The following TRIM54 variants were observed in gnomAD, a reference collection of about 807,000 sequenced individuals.
TRIM54 encodes the protein tripartite motif containing 54.
Under a neutral mutation model 42.0 loss-of-function variants are expected in TRIM54, and 40 were observed. The observed-to-expected ratio is 0.95, with a 90% confidence interval of 0.74 to 1.24. The LOEUF is 1.24. TRIM54 is among the 50% of genes most tolerant of loss of function. TRIM54 has a pLI of 0.00. For missense variants in TRIM54, 485 were observed against 480.3 expected, an observed-to-expected ratio of 1.01 and a Z score of -0.09; for synonymous variants, 199 against 194.9, an observed-to-expected ratio of 1.02 and a Z score of -0.17.
In TRIM54 at chr2:27,306,155, T is replaced by C; in HGVS notation, c.866+53T>C. ...GAGGGGGCTGCACTGCTCCACTGGC[T>C]GGGGTGGGGCTTGAGAGTGCTGGGG... On this transcript the variant is annotated intron_variant, in intron 6 of 8. Coordinates refer to ENST00000380075, the MANE Select transcript of TRIM54 (RefSeq NM_187841.3). The surrounding 1 kb of genome is among the most constrained non-coding windows in gnomAD (Gnocchi z 6.1). The C allele has an allele frequency of 6.2e-7, 1 of 1,613,904 alleles. No homozygotes were observed. The highest frequency in any genetic ancestry group is 1.7e-5 in the Admixed American group (1 of 60,004).
chr2:27,301,429 C>T (rs897628558), intron 3 of TRIM54, among the ~76,000 whole-genome samples: 1 of 152,134 alleles, frequency 6.6e-6, no homozygotes, highest in South Asian at 2.1e-4. Context: ...TGTGAGCTAC[C>T]GGGTCCAGCC....
intron 3 of TRIM54, chr2:27,299,675 CCTATCTATCTATCTATCTAT>C (rs112702645): frequency 5.2e-6 from 3 of 579,260 alleles, no homozygotes; most frequent in Middle Eastern, 2.7e-4. Context: ...CGCACTCAGC[CCTATCTATCTATCTATCTAT>C]CTATCTATCT....
intron 3 of TRIM54, among the ~76,000 whole-genome samples, chr2:27,300,421 C>T (rs1335779469): frequency 6.6e-6 from 1 of 152,048 alleles, no homozygotes; most frequent in Non-Finnish European, 1.5e-5. Flanking sequence ...GATCCACCCA[C>T]CTTGGCCTCC....
chr2:27,286,196 T>C (rs936468361), intron 1 of TRIM54, among the ~76,000 whole-genome samples: 3 of 151,930 alleles, frequency 2.0e-5, no homozygotes, highest in African/African-American at 7.3e-5. Flanking sequence ...TGTCACATTA[T>C]GTTACCCAGA....
intron 1 of TRIM54, among the ~76,000 whole-genome samples, chr2:27,291,944 G>A (rs1237776038): frequency 6.6e-6 from 1 of 152,122 alleles, no homozygotes; most frequent in South Asian, 2.1e-4. Context: ...TGAGCAAGAC[G>A]GTGGGAAAGC....
At chr2:27,304,265 T>G (rs938825328) in intron 3 of TRIM54, among the ~76,000 whole-genome samples, 1 of 136,636 alleles carries the variant, frequency 7.3e-6, no homozygotes, top group African/African-American at 3.0e-5. Flanking sequence ...TATACAGATA[T>G]ATATATATAT....
In TRIM54 at chr2:27,305,009, G is replaced by C. The variant is rs1292097695; in HGVS notation, c.564G>C (p.Val188=). The change falls in exon 4 of 9, where the codon GTG becomes GTC. Residue 188 remains valine, a synonymous_variant. Transcript: ENST00000380075. ...IAMLVAGNDR[V]QAVITQMEEV... ...TGCTGGTGGCAGGCAATGACCGCGTGCAAGCAGTGATCACACAGATGGAGG... is the reference window on the plus strand; with the variant it reads ...TGCTGGTGGCAGGCAATGACCGCGTCCAAGCAGTGATCACACAGATGGAGG... 2.5e-6 allele frequency: 4 copies of C among 1,614,044 alleles called. No homozygotes were observed. In the South Asian group the frequency reaches 4.4e-5, roughly 18 times the overall value.
intron 3 of TRIM54, among the ~76,000 whole-genome samples, chr2:27,303,458 G>A (rs910906753): frequency 6.6e-6 from 1 of 152,102 alleles, no homozygotes; most frequent in Non-Finnish European, 1.5e-5. Context: ...GCTGAGGCAG[G>A]AGAATCGCTT....
rs1292045943 is a variant in TRIM54 at position 27,306,600 on chromosome 2, C to T, written c.*1+58C>T. On this transcript the variant is annotated intron_variant, in intron 8 of 8. Transcript: ENST00000380075. This position sits in a 1 kb window ranked among gnomAD's most constrained non-coding sequence, Gnocchi z 6.1. The stretch of plus-strand genomic sequence containing the variant: ...GCGGCCTGAGGGGCTTGGGGTGGGG[C>T]CTGGCTGGTGTGCTCGCGTCCCCTC... 6 of 1,447,338 alleles carry T rather than the reference C, an allele frequency of 4.1e-6. No individual in the cohort carries two copies. Among genetic ancestry groups the T allele is most frequent in the Non-Finnish European group, 5.5e-6 (6 of 1,089,476 alleles). 89.7% of individuals were successfully genotyped at this position (1,447,338 alleles called of 1,614,324 possible).
intron 1 of TRIM54, among the ~76,000 whole-genome samples, chr2:27,297,034 C>T (rs1382503897): frequency 1.3e-5 from 2 of 152,212 alleles, no homozygotes; most frequent in African/African-American, 4.8e-5. Context: ...GCTGGGATTA[C>T]AGGCATGAGC....
At chr2:27,299,596 G>C (rs1453990417) in intron 3 of TRIM54, 180 bp downstream of exon 3, 1 of 1,356,782 alleles carries the variant, frequency 7.4e-7, no homozygotes, top group Non-Finnish European at 1.0e-6. Flanking sequence ...CTGCAGCCTT[G>C]ATCTCCCGAG....
rs142891908 is a variant in TRIM54, at chr2:27,288,304, C to T, written c.168+5405C>T. 1.1e-4 allele frequency among the ~76,000 whole-genome samples: 16 copies of T among 152,294 alleles called. No homozygotes were observed. The East Asian group carries it at 3.1e-3, about 29-fold the overall frequency. ...CAGAGCCTGTGTCCCAAATTAGCAC[C>T]TCTCTGGATAGCCAGGGAAGAGGGA... is the stretch of plus-strand genomic sequence containing the variant. On this transcript the variant is annotated intron_variant, in intron 1 of 8. Coordinates refer to ENST00000380075, the MANE Select transcript of TRIM54 (RefSeq NM_187841.3).
chr2:27,282,709 G>C lies in TRIM54; in HGVS notation c.-23G>C, dbSNP rs1297786155. The C allele has an allele frequency of 6.2e-7, 1 of 1,600,866 alleles. No homozygotes were observed. Among genetic ancestry groups the C allele is most frequent in the African/African-American group, 1.3e-5 (1 of 74,468 alleles). On this transcript the variant is annotated 5_prime_UTR_variant, in exon 1 of 9. Transcript: ENST00000380075. ...GAGTGAAGGCCAGGAGCAGGGCCCAGGCCAGGCACGACCACCGAGGGGATG... is the reference window on the plus strand; with the variant it reads ...GAGTGAAGGCCAGGAGCAGGGCCCACGCCAGGCACGACCACCGAGGGGATG...
chr2:27,298,547 CA>C lies in TRIM54; in HGVS notation c.169-18del, dbSNP rs1217687088. 6.2e-7 allele frequency: 1 copy of C among 1,603,584 alleles called. No homozygotes were observed. The highest frequency in any genetic ancestry group is 8.5e-7 in the Non-Finnish European group (1 of 1,172,226). ...TCATGCCTCCCCGTGCCTGTTCTCTCAAGCCATCTGTCCCTGCAGGCCTCGA... is the reference window on the plus strand; with the variant it reads ...TCATGCCTCCCCGTGCCTGTTCTCTCAGCCATCTGTCCCTGCAGGCCTCGA... On this transcript the variant is annotated intron_variant, in intron 1 of 8. Coordinates refer to ENST00000380075, the MANE Select transcript of TRIM54 (RefSeq NM_187841.3).
intron 1 of TRIM54, among the ~76,000 whole-genome samples, chr2:27,283,766 A>ACGCACGCGCGCGCGCGCGCG (rs1678458066): frequency 7.9e-5 from 7 of 88,708 alleles, no homozygotes; most frequent in Admixed American, 2.4e-4. Context: ...GGGCAAAGGC[A>ACGCACGCGCGCGCGCGCGCG]CACACACACA....
In TRIM54 at chr2:27,298,592, G is replaced by A. The variant is rs576451153; in HGVS notation, c.194G>A (p.Arg65Gln). ...GCCTCGAATCCTCTATGGCAGTCCC[G>A]GGGCTCCACCACTGTGTCTTCAGGA... ...FQASNPLWQS[R>Q]GSTTVSSGGR... The change falls in exon 2 of 9, where the codon CGG becomes CAG. Residue 65 changes from arginine to glutamine, a missense_variant. Transcript: ENST00000380075. 3.0e-5 allele frequency: 48 copies of A among 1,613,954 alleles called. No individual in the cohort carries two copies. Among genetic ancestry groups the A allele is most frequent in the Non-Finnish European group, 3.7e-5 (44 of 1,179,950 alleles).
chr2:27,305,001 G>T lies in TRIM54; in HGVS notation c.556G>T (p.Asp186Tyr). The T allele has an allele frequency of 6.2e-7, 1 of 1,614,150 alleles. No homozygotes were observed. Among genetic ancestry groups the T allele is most frequent in the Non-Finnish European group, 8.5e-7 (1 of 1,180,028 alleles). The change falls in exon 4 of 9, where the codon GAC becomes TAC. Residue 186 changes from aspartate (D) to tyrosine (Y), a missense_variant. Transcript: ENST00000380075. ...DGIAMLVAGN[D>Y]RVQAVITQME... ...CATCGCGATGCTGGTGGCAGGCAATGACCGCGTGCAAGCAGTGATCACACA... is the reference window on the plus strand; with the variant it reads ...CATCGCGATGCTGGTGGCAGGCAATTACCGCGTGCAAGCAGTGATCACACA...
At chr2:27,293,956 G>A (rs1383101832) in intron 1 of TRIM54, among the ~76,000 whole-genome samples, 2 of 152,080 alleles carry the variant, frequency 1.3e-5, no homozygotes, top group Non-Finnish European at 2.9e-5. Context: ...CCGGGAGGTG[G>A]AGGTGGCAGT....
In TRIM54 at chr2:27,306,617, C is replaced by T. The variant is rs866611213; in HGVS notation, c.*1+75C>T. On this transcript the variant is annotated intron_variant, in intron 8 of 8. Transcript: ENST00000380075. The surrounding 1 kb of genome is among the most constrained non-coding windows in gnomAD (Gnocchi z 6.1). The stretch of plus-strand genomic sequence containing the variant: ...GGGTGGGGCCTGGCTGGTGTGCTCG[C>T]GTCCCCTCCCCCAGTGATTGCCCTC... 233 of 1,370,578 alleles carry T rather than the reference C, an allele frequency of 1.7e-4. No individual in the cohort carries two copies. The highest frequency in any genetic ancestry group is 6.5e-4 in the Admixed American group (24 of 36,984). The allele number at this position is 1,370,578 out of a possible 1,614,324, so 84.9% of individuals were successfully genotyped here. A position where few individuals can be genotyped will look rare whatever the true frequency, so the allele number is the denominator to read the frequency against.
Sources: allele counts gnomAD v4.1 joint callset (sites outside exome capture counted in the v4.1 genomes callset), GRCh38; gene constraint gnomAD v4.1.1; non-coding constraint Gnocchi (gnomAD v3.1); transcripts MANE v1.5; gene names NCBI Gene and HGNC (gene_info 2026-07-23, HGNC 2026-07-21).